Variants in SH3PXD2A observed in about 807,000 individuals in gnomAD.
The protein encoded by SH3PXD2A is SH3 and PX domain-containing protein 2A.
SH3PXD2A carries 32 observed loss-of-function variants against 115.2 expected under a neutral mutation model. The observed-to-expected ratio is 0.28, with a 90% confidence interval of 0.21 to 0.37. The LOEUF is 0.37. Among genes scored for constraint, SH3PXD2A ranks in the 10% least tolerant of loss-of-function variants. The pLI is 1.00. For missense variants in SH3PXD2A, 1,328 were observed against 1,498.7 expected, an observed-to-expected ratio of 0.89 and a Z score of 1.88; for synonymous variants, 610 against 629.1, an observed-to-expected ratio of 0.97 and a Z score of 0.45.
chr10:103,618,941 C>T (rs899621987), intron 10 of SH3PXD2A, among the ~76,000 whole-genome samples: 1 of 152,322 alleles, frequency 6.6e-6, no homozygotes, highest in Non-Finnish European at 1.5e-5. Flanking sequence ...TGTGCTGAGC[C>T]GAGATAGCAG....
chr10:103,768,888 G>C (rs949125295), intron 2 of SH3PXD2A, among the ~76,000 whole-genome samples: 1 of 152,154 alleles, frequency 6.6e-6, no homozygotes, highest in African/African-American at 2.4e-5. Flanking sequence ...GCATGGAAGG[G>C]GAGTGGGCAT....
At chr10:103,672,536 G>A (rs7096731) in intron 6 of SH3PXD2A, among the ~76,000 whole-genome samples, 136,032 of 152,300 alleles carry the variant, frequency 0.89, 60,993 homozygotes, top group East Asian at 1. Flanking sequence ...CCAAAATAGC[G>A]GATGATTCAG....
intron 13 of SH3PXD2A, among the ~76,000 whole-genome samples, chr10:103,610,208 G>GC (rs1414247826): frequency 6.6e-6 from 1 of 152,232 alleles, no homozygotes; most frequent in Non-Finnish European, 1.5e-5. Context: ...ACCTTTCCTG[G>GC]CCCCAGGGCC....
intron 2 of SH3PXD2A, among the ~76,000 whole-genome samples, chr10:103,776,395 CAAAAAAA>C (rs11384789): frequency 1.1e-5 from 1 of 88,324 alleles, no homozygotes; most frequent in Non-Finnish European, 2.4e-5. Flanking sequence ...ACCACTGTCT[CAAAAAAA>C]AAAAAAAAAA....
At chr10:103,853,379 G>A (rs374375202) in intron 1 of SH3PXD2A, among the ~76,000 whole-genome samples, 2 of 152,212 alleles carry the variant, frequency 1.3e-5, no homozygotes, top group African/African-American at 4.8e-5. Context: ...TGCGTGCCAG[G>A]AACTGGGCTA....
chr10:103,833,054 G>T (rs2039497829), intron 1 of SH3PXD2A, among the ~76,000 whole-genome samples: 1 of 152,050 alleles, frequency 6.6e-6, no homozygotes, highest in Non-Finnish European at 1.5e-5. Context: ...GCATTATTAG[G>T]CTTTTCATCC....
chr10:103,645,700 CCCA>C (rs1388996242), intron 8 of SH3PXD2A, among the ~76,000 whole-genome samples: 10 of 152,260 alleles, frequency 6.6e-5, no homozygotes, highest in Non-Finnish European at 1.5e-4. Flanking sequence ...TCAAGGCAGC[CCCA>C]CAGGTTGTTT....
intron 2 of SH3PXD2A, among the ~76,000 whole-genome samples, chr10:103,785,212 C>T (rs1420073024): frequency 6.6e-6 from 1 of 152,252 alleles, no homozygotes; most frequent in East Asian, 1.9e-4. Flanking sequence ...GCAAGAGCCA[C>T]TCCCTTTCCT....
intron 1 of SH3PXD2A, among the ~76,000 whole-genome samples, chr10:103,819,902 GC>G (rs2039360611): frequency 6.6e-6 from 1 of 152,032 alleles, no homozygotes; most frequent in East Asian, 1.9e-4. Context: ...AAGGCTCTGG[GC>G]CCCCAGATGG....
intron 6 of SH3PXD2A, among the ~76,000 whole-genome samples, chr10:103,675,373 A>G (rs1161726714): frequency 6.6e-6 from 1 of 152,248 alleles, no homozygotes; most frequent in Non-Finnish European, 1.5e-5. Flanking sequence ...TGAGCTAAAT[A>G]AACAGAAGTA....
intron 1 of SH3PXD2A, among the ~76,000 whole-genome samples, chr10:103,820,820 G>A (rs1373866526): frequency 5.9e-5 from 9 of 152,208 alleles, no homozygotes; most frequent in Admixed American, 5.9e-4. Context: ...CACATGGCCA[G>A]AACTTCCCTT....
chr10:103,691,329 C>A (rs2037748676), intron 6 of SH3PXD2A, among the ~76,000 whole-genome samples: 2 of 152,134 alleles, frequency 1.3e-5, no homozygotes, highest in African/African-American at 4.8e-5. Context: ...ATAACATTAG[C>A]ATTTTTGTTT....
intron 13 of SH3PXD2A, among the ~76,000 whole-genome samples, chr10:103,606,575 T>G (rs1054768764): frequency 1.3e-3 from 198 of 149,936 alleles, no homozygotes; most frequent in African/African-American, 4.4e-3. Context: ...CTGCCATCTC[T>G]GCTCACTGCA....
chr10:103,668,408 G>GT (rs1362689163), intron 7 of SH3PXD2A, among the ~76,000 whole-genome samples, 200 bp downstream of exon 7: 1 of 152,252 alleles, frequency 6.6e-6, no homozygotes, highest in Non-Finnish European at 1.5e-5. Flanking sequence ...GAGCTACGTG[G>GT]TCATCACTCA....
At position 103,597,635 on chromosome 10, in the gene SH3PXD2A, C is replaced by T. The variant is rs571441506; in HGVS notation, c.*4181G>A. The T allele has an allele frequency of 4.6e-5, 7 of 152,792 alleles. No homozygotes were observed. The East Asian group carries it at 1.4e-3, about 29-fold the overall frequency. The allele number at this position is 152,792 out of a possible 1,614,324, so 9.5% of individuals were successfully genotyped here. On this transcript the variant is annotated 3_prime_UTR_variant, in exon 15 of 15. Coordinates refer to ENST00000369774, the MANE Select transcript of SH3PXD2A (RefSeq NM_001394015.1). The stretch of plus-strand genomic sequence containing the variant: ...CAAGATCAAACTCCACCAACCCACC[C>T]ACCTGTTCCACAGCTAGGATTCCTT...
At position 103,718,599 on chromosome 10, in the gene SH3PXD2A, C is replaced by T. The variant is rs372408244; in HGVS notation, c.398+5671G>A. On this transcript the variant is annotated intron_variant, in intron 5 of 14. Coordinates refer to ENST00000369774, the MANE Select transcript of SH3PXD2A (RefSeq NM_001394015.1). ...CAGGTAACTGCTAGCAACTTCGCTT[C>T]CCCATCTGCTAAATGGGGATAATAA... Among the ~76,000 whole-genome samples the T allele has an allele frequency of 4.6e-5, 7 of 152,336 alleles. No individual in the cohort carries two copies. In the East Asian group the frequency reaches 1.4e-3, roughly 29 times the overall value.
rs201065560 is a variant in SH3PXD2A, at chr10:103,602,043, G to A, written c.3175C>T (p.Arg1059Cys). 239 of 1,610,078 alleles carry A rather than the reference G, an allele frequency of 1.5e-4. 2 individuals are homozygous for A. The Admixed American group carries it at 2.1e-3, about 14-fold the overall frequency. The change falls in exon 15 of 15, where the codon CGC becomes TGC. Residue 1059 changes from arginine to cysteine, a missense_variant. This residue lies in a region of SH3PXD2A where 574 missense variants were observed against 565.7 expected (regional missense o/e 1.01). Coordinates refer to ENST00000369774, the MANE Select transcript of SH3PXD2A (RefSeq NM_001394015.1). ...QRNSIPVSPV[R>C]PKPIEKSQFI... ...TGAGACTTCTCGATGGGCTTGGGGC[G>A]CACAGGGGACACGGGTATGCTGTTG...
In SH3PXD2A at chr10:103,765,516, C is replaced by T. The variant is rs538842912; in HGVS notation, c.229+1578G>A. Among the ~76,000 whole-genome samples the T allele has an allele frequency of 7.9e-5, 12 of 152,316 alleles. No homozygotes were observed. In the South Asian group the frequency reaches 1.9e-3, roughly 24 times the overall value. On this transcript the variant is annotated intron_variant, in intron 3 of 14. Coordinates refer to ENST00000369774, the MANE Select transcript of SH3PXD2A (RefSeq NM_001394015.1). Reference sequence around the variant, plus strand: ...CCTTTAATTCACCAGGCCACCCAGCCCCATCAGCTCTGACAGGCTGAGCCC... The same window carrying T: ...CCTTTAATTCACCAGGCCACCCAGCTCCATCAGCTCTGACAGGCTGAGCCC...
intron 3 of SH3PXD2A, among the ~76,000 whole-genome samples, chr10:103,743,568 G>GTTGCCTAGGCTGGTGGGGTT (rs767225794): frequency 0.015 from 2,228 of 152,184 alleles, 28 homozygotes; most frequent in Non-Finnish European, 0.022. Context: ...ATGGGGTCTT[G>GTTGCCTAGGCTGGTGGGGTT]TTATGTTGCC....
Sources: allele counts gnomAD v4.1 joint callset (sites outside exome capture counted in the v4.1 genomes callset), GRCh38; gene constraint gnomAD v4.1.1; regional missense constraint gnomAD v4.1.1; transcripts MANE v1.5; gene names NCBI Gene and HGNC (gene_info 2026-07-23, HGNC 2026-07-21).